KCNQ1: variants seen among roughly 807,000 people sequenced by gnomAD.
KCNQ1 encodes potassium voltage-gated channel subfamily KQT member 1.
Under a neutral mutation model 72.4 loss-of-function variants are expected in KCNQ1, and 49 were observed. The observed-to-expected ratio is 0.68, with a 90% CI of 0.54 to 0.86. The LOEUF (loss-of-function observed/expected upper bound fraction) is 0.86. Ranked by LOEUF, KCNQ1 falls within the 40% of genes least tolerant of loss-of-function variation. The pLI is 0.00. For missense variants in KCNQ1, 790 were observed against 945.1 expected, an observed-to-expected ratio of 0.84 and a Z score of 2.15; for synonymous variants, 450 against 412.6, an observed-to-expected ratio of 1.09 and a Z score of -1.10.
Position 2,450,451 on chromosome 11 carries a change from G to C in KCNQ1, c.386+4967G>C, listed in dbSNP as rs1260566670. Among the ~76,000 whole-genome samples the C allele has an allele frequency of 2.0e-5, 3 of 152,136 alleles. No homozygotes were observed. The highest frequency in any genetic ancestry group is 7.2e-5 in the African/African-American group (3 of 41,436). Reference sequence around the variant, plus strand: ...GAATATCACCATCCTGGGCCACTTTGACCCAGACCCCAAGGATTTGGTTAC... The same window carrying C: ...GAATATCACCATCCTGGGCCACTTTCACCCAGACCCCAAGGATTTGGTTAC... On this transcript the variant is annotated intron_variant, in intron 1 of 15. Transcript: ENST00000155840. This position sits in a 1 kb window ranked among gnomAD's most constrained non-coding sequence, Gnocchi z 7.9.
Position 2,674,512 on chromosome 11 carries a change from G to A in KCNQ1, c.1514+12431G>A, listed in dbSNP as rs954618310. 5 of 398,516 alleles carry A rather than the reference G, an allele frequency of 1.3e-5. No homozygotes were observed. Among genetic ancestry groups the A allele is most frequent in the African/African-American group, 4.1e-5 (2 of 48,634 alleles). The allele number at this position is 398,516 out of a possible 1,614,324, so 24.7% of individuals were successfully genotyped here. ...GCCCCAGTGTTACTAGGCACTAGAT[G>A]GCACTTGCAAAGCCCATTCGGAGGA... is the stretch of plus-strand genomic sequence containing the variant. On this transcript the variant is annotated intron_variant, in intron 11 of 15. Coordinates refer to ENST00000155840, the MANE Select transcript of KCNQ1 (RefSeq NM_000218.3). The surrounding 1 kb of genome is among the most constrained non-coding windows in gnomAD (Gnocchi z 5.9).
rs1209565626 is a variant in KCNQ1 at position 2,720,584 on chromosome 11, G to T, written c.1515-48260G>T. Among the ~76,000 whole-genome samples, 1 of 152,156 alleles carries T rather than the reference G, an allele frequency of 6.6e-6. No individual in the cohort carries two copies. The highest frequency in any genetic ancestry group is 1.5e-5 in the Non-Finnish European group (1 of 68,012). On this transcript the variant is annotated intron_variant, in intron 11 of 15. Coordinates refer to ENST00000155840, the MANE Select transcript of KCNQ1 (RefSeq NM_000218.3). The surrounding 1 kb of genome is among the most constrained non-coding windows in gnomAD (Gnocchi z 5.1). ...CTGTCCAGAACTCTGAGCTCCTGTG[G>T]GTCCTTCTCTGAGTGTCCTATGTTG...
In KCNQ1 at chr11:2,797,227, C is replaced by T. The variant is rs561604089; in HGVS notation, c.1794+19190C>T. ...TGCTGGGGGCTGGGCCACGGAGAGG[C>T]CGGGCAGCGCTGGCCCCAGCCCCCA... On this transcript the variant is annotated intron_variant, in intron 15 of 15. Coordinates refer to ENST00000155840, the MANE Select transcript of KCNQ1 (RefSeq NM_000218.3). Among the ~76,000 whole-genome samples the T allele has an allele frequency of 2.6e-3, 394 of 152,260 alleles. 1 individual carries two copies. Among genetic ancestry groups the T allele is most frequent in the Middle Eastern group, 0.017 (5 of 294 alleles).
At chr11:2,716,150 G>A (rs564487058) in intron 11 of KCNQ1, among the ~76,000 whole-genome samples, 20 of 152,282 alleles carry the variant, frequency 1.3e-4, no homozygotes, top group African/African-American at 4.6e-4. Context: ...ATTAATGGCT[G>A]TTTGTATCAC....
chr11:2,580,309 T>G (rs1488031400), intron 6 of KCNQ1, among the ~76,000 whole-genome samples: 2 of 152,116 alleles, frequency 1.3e-5, no homozygotes. Context: ...TTGGTGCCCC[T>G]GACGGAGAAG....
intron 10 of KCNQ1, chr11:2,656,068 G>A (rs1849841574): frequency 7.5e-6 from 3 of 398,522 alleles, no homozygotes; most frequent in Non-Finnish European, 1.3e-5. Context: ...TCAGGCTTTG[G>A]AGATGGGCAC....
intron 11 of KCNQ1, chr11:2,665,894 C>T (rs1204786164): frequency 2.5e-6 from 1 of 398,702 alleles, no homozygotes; most frequent in Non-Finnish European, 4.4e-6. Context: ...GCAGGTGTGG[C>T]CTGGGTGAGC....
chr11:2,514,102 C>G (rs1847250673), intron 1 of KCNQ1, among the ~76,000 whole-genome samples: 2 of 152,198 alleles, frequency 1.3e-5, no homozygotes, highest in Admixed American at 1.3e-4. Context: ...GCCCTCAGCT[C>G]CTGGCTTGGC....
At chr11:2,717,060 G>A (rs1851104879) in intron 11 of KCNQ1, among the ~76,000 whole-genome samples, 1 of 152,182 alleles carries the variant, frequency 6.6e-6, no homozygotes, top group Admixed American at 6.5e-5. Flanking sequence ...CCTGCCCTCT[G>A]GTGCTGCTTG....
At chr11:2,528,309 G>C (rs1847546175) in intron 2 of KCNQ1, among the ~76,000 whole-genome samples, 1 of 152,194 alleles carries the variant, frequency 6.6e-6, no homozygotes, top group Non-Finnish European at 1.5e-5. Flanking sequence ...GAAGGAAGGA[G>C]GAGGTAGGGT....
intron 11 of KCNQ1, among the ~76,000 whole-genome samples, chr11:2,736,712 A>C (rs766851412): frequency 2.6e-5 from 4 of 152,218 alleles, no homozygotes; most frequent in Non-Finnish European, 4.4e-5. Flanking sequence ...GCCCAGAGCA[A>C]AGGGCGGCTT....
chr11:2,795,877 C>T (rs1330411068), intron 15 of KCNQ1, among the ~76,000 whole-genome samples: 4 of 152,098 alleles, frequency 2.6e-5, no homozygotes, highest in African/African-American at 4.8e-5. Flanking sequence ...GGGCGGGGGC[C>T]GGGGGAACAG....
At position 2,723,953 on chromosome 11, in the gene KCNQ1, G is replaced by T. The variant is rs553480469; in HGVS notation, c.1515-44891G>T. Among the ~76,000 whole-genome samples, 1 of 152,198 alleles carries T rather than the reference G, an allele frequency of 6.6e-6. No homozygotes were observed. Among genetic ancestry groups the T allele is most frequent in the Admixed American group, 6.5e-5 (1 of 15,286 alleles). On this transcript the variant is annotated intron_variant, in intron 11 of 15. Transcript: ENST00000155840. This position sits in a 1 kb window ranked among gnomAD's most constrained non-coding sequence, Gnocchi z 4.2. ...CTCAGCCTTTGTATCTGCCGTGGGC[G>T]TGGAGGCATTTACTCTTTTCACCGG...
rs374541692 is a variant in KCNQ1 at position 2,541,161 on chromosome 11, C to T, written c.477+13143C>T. ...AGGGAGAGAGACCCCCTTGGGGCCG[C>T]GTTCCATTTGCACATTTAATCCAGA... On this transcript the variant is annotated intron_variant, in intron 2 of 15. Coordinates refer to ENST00000155840, the MANE Select transcript of KCNQ1 (RefSeq NM_000218.3). The surrounding 1 kb of genome is among the most constrained non-coding windows in gnomAD (Gnocchi z 4.8). Among the ~76,000 whole-genome samples, 2 of 152,232 alleles carry T rather than the reference C, an allele frequency of 1.3e-5. No individual in the cohort carries two copies. Among genetic ancestry groups the T allele is most frequent in the African/African-American group, 4.8e-5 (2 of 41,462 alleles).
rs533874206 is a variant in KCNQ1 at position 2,687,644 on chromosome 11, T to C, written c.1514+25563T>C. On this transcript the variant is annotated intron_variant, in intron 11 of 15. Coordinates refer to ENST00000155840, the MANE Select transcript of KCNQ1 (RefSeq NM_000218.3). The surrounding 1 kb of genome is among the most constrained non-coding windows in gnomAD (Gnocchi z 5.0). ...CATTCCTCTCAGGCCCCTGTAAAAA[T>C]TGGGACCTGTCCTTGCCAGCCAGGT... 48 of 398,626 alleles carry C rather than the reference T, an allele frequency of 1.2e-4. No individual in the cohort carries two copies. The highest frequency in any genetic ancestry group is 7.2e-4 in the African/African-American group (35 of 48,720). The allele number at this position is 398,626 out of a possible 1,614,324, so 24.7% of individuals were successfully genotyped here.
At chr11:2,584,901 T>G (rs1589966744) in intron 7 of KCNQ1, among the ~76,000 whole-genome samples, 1 of 152,278 alleles carries the variant, frequency 6.6e-6, no homozygotes, top group African/African-American at 2.4e-5. Flanking sequence ...GTGCCCAGTA[T>G]GACCCCTTCC....
intron 10 of KCNQ1, chr11:2,655,531 CCTT>C (rs1590010159): frequency 2.5e-6 from 1 of 398,704 alleles, no homozygotes; most frequent in Non-Finnish European, 4.4e-6. Flanking sequence ...ATGGGCTCAA[CCTT>C]CTCTGCAGCT....
intron 11 of KCNQ1, chr11:2,696,818 G>A (rs1850684200): frequency 2.5e-6 from 1 of 398,426 alleles, no homozygotes; most frequent in Admixed American, 4.4e-5. Flanking sequence ...TATTCTGATT[G>A]CTGTCCTAAT....
rs1306862352 is a variant in KCNQ1 at position 2,785,861 on chromosome 11, C to T, written c.1794+7824C>T. On this transcript the variant is annotated intron_variant, in intron 15 of 15. Transcript: ENST00000155840. The surrounding 1 kb of genome is among the most constrained non-coding windows in gnomAD (Gnocchi z 4.4). ...AATGAATATATATCAGAAGTAATTG[C>T]TATATCTACCCATATCTGTAATAAA... Among the ~76,000 whole-genome samples, 1 of 152,008 alleles carries T rather than the reference C, an allele frequency of 6.6e-6. No homozygotes were observed. Among genetic ancestry groups the T allele is most frequent in the Non-Finnish European group, 1.5e-5 (1 of 67,910 alleles).
Sources: allele counts gnomAD v4.1 joint callset (sites outside exome capture counted in the v4.1 genomes callset), GRCh38; gene constraint gnomAD v4.1.1; non-coding constraint Gnocchi (gnomAD v3.1); transcripts MANE v1.5; gene names NCBI Gene and HGNC (gene_info 2026-07-23, HGNC 2026-07-21).